Variants in TANC1 observed in about 807,000 individuals in gnomAD.
TANC1 encodes the protein tetratricopeptide repeat, ankyrin repeat and coiled-coil containing 1.
In TANC1, 77 loss-of-function variants were observed where a neutral mutation model predicts 149.7. That is an observed-to-expected ratio of 0.51 (90% CI 0.43 to 0.62). TANC1 has a LOEUF of 0.62. TANC1 is among the 20% of genes least tolerant of loss of function. TANC1 has a pLI of 0.00. For missense variants in TANC1, 1,985 were observed against 2,321.8 expected (o/e 0.85, Z 2.98); for synonymous variants, 854 against 925.0 (o/e 0.92, Z 1.39).
intron 1 of TANC1, among the ~76,000 whole-genome samples, chr2:158,988,143 T>G (rs899915734): frequency 6.6e-6 from 1 of 151,584 alleles, no homozygotes; most frequent in Non-Finnish European, 1.5e-5. Flanking sequence ...GCCAACATGG[T>G]GAAACCCCCG....
intron 4 of TANC1, among the ~76,000 whole-genome samples, chr2:159,111,236 A>G (rs2047684980): frequency 1.3e-5 from 2 of 152,200 alleles, no homozygotes; most frequent in Non-Finnish European, 2.9e-5. Flanking sequence ...AGAGCCTGTG[A>G]TTCATGAAGC....
At chr2:159,132,678 A>G (rs986654550) in intron 4 of TANC1, among the ~76,000 whole-genome samples, 1 of 130,618 alleles carries the variant, frequency 7.7e-6, no homozygotes, top group African/African-American at 3.2e-5. Flanking sequence ...TTTTTTTTTT[A>G]AGTAGAGATG....
intron 1 of TANC1, among the ~76,000 whole-genome samples, chr2:158,981,491 TTATATATATA>T (rs10602195): frequency 0.057 from 1,940 of 34,252 alleles, 82 homozygotes; most frequent in African/African-American, 0.095. Context: ...TATATAGCTT[TTATATATATA>T]TATATATATA....
chr2:159,074,103 G>A (rs2043414301), intron 3 of TANC1, among the ~76,000 whole-genome samples: 1 of 152,132 alleles, frequency 6.6e-6, no homozygotes, highest in Non-Finnish European at 1.5e-5. Flanking sequence ...GCATCTGTGT[G>A]TCTTCTCTCT....
chr2:159,195,356 A>G (rs62171139), intron 17 of TANC1, among the ~76,000 whole-genome samples: 5,136 of 152,186 alleles, frequency 0.034, 116 homozygotes, highest in African/African-American at 0.065. Flanking sequence ...CTGACCTCAC[A>G]TGATCTGCCT....
chr2:159,085,656 C>T (rs1363167408), intron 3 of TANC1, among the ~76,000 whole-genome samples: 1 of 152,130 alleles, frequency 6.6e-6, no homozygotes, highest in East Asian at 1.9e-4. Flanking sequence ...CCAAGGGGAG[C>T]AGGCATGTCA....
intron 7 of TANC1, among the ~76,000 whole-genome samples, chr2:159,154,911 G>T (rs1019406221): frequency 6.6e-6 from 1 of 152,104 alleles, no homozygotes; most frequent in South Asian, 2.1e-4. Flanking sequence ...ACTTTACAGA[G>T]TATGCTTTTA....
chr2:159,075,555 GAC>G (rs1296429047), intron 3 of TANC1, among the ~76,000 whole-genome samples: 1 of 152,068 alleles, frequency 6.6e-6, no homozygotes, highest in Non-Finnish European at 1.5e-5. Context: ...CAGCCCAAGT[GAC>G]AGAGTAGTAA....
At chr2:159,219,610 T>A (rs750365957) in intron 21 of TANC1, 82 bp from the exon 22 acceptor site, 5 of 1,542,466 alleles carry the variant, frequency 3.2e-6, no homozygotes, top group African/African-American at 1.4e-5. Context: ...TCAGGCCGGG[T>A]GTTCCGCAGG....
Position 159,229,722 on chromosome 2 carries a change from A to G in TANC1, c.4296A>G (p.Leu1432=), listed in dbSNP as rs780072343. 3 of 1,614,062 alleles carry G rather than the reference A, an allele frequency of 1.9e-6. No individual in the cohort carries two copies. The highest frequency in any genetic ancestry group is 2.2e-5 in the South Asian group (2 of 91,064). Residue 1432 remains leucine (L), a synonymous_variant, in exon 27 of 27, where the codon CTA becomes CTG. Transcript: ENST00000263635. ...AACAGCAAAAACAGCAGGGCCCGCTACCAGCTCCACTCAACGACTCCGAGA... is the reference window on the plus strand; with the variant it reads ...AACAGCAAAAACAGCAGGGCCCGCTGCCAGCTCCACTCAACGACTCCGAGA... ...RSQQQKQQGP[L]PAPLNDSENE... is the part of the protein sequence containing the mutation.
chr2:159,011,521 C>T (rs1194057928), intron 2 of TANC1, among the ~76,000 whole-genome samples: 1 of 145,962 alleles, frequency 6.9e-6, no homozygotes, highest in Non-Finnish European at 1.5e-5. Context: ...TCAAATTACA[C>T]CTTAAATTTT....
At chr2:159,002,587 G>A (rs1430103250) in intron 2 of TANC1, among the ~76,000 whole-genome samples, 4 of 152,186 alleles carry the variant, frequency 2.6e-5, no homozygotes, top group Non-Finnish European at 5.9e-5. Flanking sequence ...CTTCTAAGGC[G>A]TGGCCAGTGG....
At chr2:159,072,267 C>T (rs961334555) in intron 3 of TANC1, among the ~76,000 whole-genome samples, 1 of 152,238 alleles carries the variant, frequency 6.6e-6, no homozygotes, top group African/African-American at 2.4e-5. Context: ...CAGGCGTGAG[C>T]CACTGTGCCC....
chr2:159,048,452 G>A (rs192251777), intron 2 of TANC1, among the ~76,000 whole-genome samples: 1 of 152,264 alleles, frequency 6.6e-6, no homozygotes, highest in African/African-American at 2.4e-5. Flanking sequence ...CGCCCTCAGA[G>A]GGTTTTTATG....
intron 4 of TANC1, among the ~76,000 whole-genome samples, chr2:159,127,899 GAT>G (rs1168486102): frequency 1.3e-5 from 2 of 152,244 alleles, no homozygotes; most frequent in East Asian, 3.8e-4. Flanking sequence ...GCTCCAGTTT[GAT>G]ATACTGTTTT....
intron 2 of TANC1, among the ~76,000 whole-genome samples, chr2:159,053,144 T>A (rs1018046741): frequency 6.6e-6 from 1 of 151,492 alleles, no homozygotes; most frequent in Non-Finnish European, 1.5e-5. Flanking sequence ...TTTTTTTAAG[T>A]CTTAACATAT....
rs112614099 is a variant in TANC1, at chr2:159,022,478, G to T, written c.-16+21289G>T. Among the ~76,000 whole-genome samples the T allele has an allele frequency of 1.6e-4, 25 of 152,206 alleles. 1 individual carries two copies. Among genetic ancestry groups the T allele is most frequent in the African/African-American group, 6.0e-4 (25 of 41,534 alleles). ...AGTGGAGGTGGGGCAAGGCACGGTG[G>T]TTCACGCCTGTAATCCCAGCACTTT... On this transcript the variant is annotated intron_variant, in intron 2 of 26. Transcript: ENST00000263635.
intron 19 of TANC1, among the ~76,000 whole-genome samples, chr2:159,216,223 G>T (rs2059336277): frequency 6.6e-6 from 1 of 152,162 alleles, no homozygotes; most frequent in South Asian, 2.1e-4. Flanking sequence ...CCTTTTGAAG[G>T]CCTGTTCTTG....
intron 5 of TANC1, among the ~76,000 whole-genome samples, chr2:159,142,596 G>A (rs1205077965): frequency 6.6e-6 from 1 of 152,182 alleles, no homozygotes; most frequent in Non-Finnish European, 1.5e-5. Flanking sequence ...AAGTCTGATG[G>A]TTTTCTTGAG....
Sources: allele counts gnomAD v4.1 joint callset (sites outside exome capture counted in the v4.1 genomes callset), GRCh38; gene constraint gnomAD v4.1.1; transcripts MANE v1.5; gene names NCBI Gene and HGNC (gene_info 2026-07-23, HGNC 2026-07-21).